NELL1: variants seen among roughly 807,000 people sequenced by gnomAD.
NELL1 encodes neural EGFL like 1.
Under a neutral mutation model 107.4 loss-of-function variants are expected in NELL1, and 76 were observed. The ratio of observed to expected loss-of-function variants is 0.71; its 90% CI spans 0.59 to 0.86. The LOEUF is 0.86. NELL1 is among the 40% of genes least tolerant of loss of function. The pLI, the probability that NELL1 is intolerant of heterozygous loss-of-function variation, is 0.00. For synonymous variants in NELL1, 353 were observed against 341.2 expected, an observed-to-expected ratio of 1.03 and a Z score of -0.38; for missense variants, 1,024 against 1,005.5, an observed-to-expected ratio of 1.02 and a Z score of -0.25.
At chr11:21,090,072 T>C (rs566099522) in intron 12 of NELL1, among the ~76,000 whole-genome samples, 3 of 152,294 alleles carry the variant, frequency 2.0e-5, no homozygotes, top group East Asian at 1.9e-4. Context: ...CTTCATCTCT[T>C]ATTGGAGATT....
intron 5 of NELL1, among the ~76,000 whole-genome samples, chr11:20,891,347 G>C (rs1181289682): frequency 6.6e-6 from 1 of 152,160 alleles, no homozygotes; most frequent in East Asian, 1.9e-4. Context: ...TGCCCTGCAA[G>C]AGCTGCTGAA....
At chr11:21,057,736 T>C (rs1853645502) in intron 12 of NELL1, among the ~76,000 whole-genome samples, 1 of 151,998 alleles carries the variant, frequency 6.6e-6, no homozygotes, top group Non-Finnish European at 1.5e-5. Flanking sequence ...ATACCAGTAC[T>C]TAAAAATGTA....
chr11:21,428,685 T>C (rs996245799), intron 15 of NELL1, among the ~76,000 whole-genome samples: 8 of 152,228 alleles, frequency 5.3e-5, no homozygotes, highest in Non-Finnish European at 1.0e-4. Context: ...CTTTCACAGG[T>C]GACTTGCTGC....
chr11:20,893,859 A>AAC (rs1346088358), intron 5 of NELL1, among the ~76,000 whole-genome samples: 1 of 151,002 alleles, frequency 6.6e-6, no homozygotes, highest in Non-Finnish European at 1.5e-5. Flanking sequence ...GGTAGTTAAA[A>AAC]AAAAAAAAAA....
chr11:20,910,837 G>T (rs1850114293), intron 5 of NELL1, among the ~76,000 whole-genome samples: 1 of 152,152 alleles, frequency 6.6e-6, no homozygotes, highest in African/African-American at 2.4e-5. Flanking sequence ...CTTCTTATTT[G>T]TAAAGTTCCA....
At chr11:21,018,781 T>C (rs1233351801) in intron 12 of NELL1, among the ~76,000 whole-genome samples, 1 of 152,106 alleles carries the variant, frequency 6.6e-6, no homozygotes, top group African/African-American at 2.4e-5. Context: ...GCGAGTGGGT[T>C]TACTGCAGGA....
chr11:21,351,072 A>G (rs1467958638), intron 14 of NELL1, among the ~76,000 whole-genome samples: 2 of 152,138 alleles, frequency 1.3e-5, no homozygotes, highest in African/African-American at 4.8e-5. Flanking sequence ...TGAGAGGGCA[A>G]TTCGACACAG....
chr11:20,943,167 A>C (rs1850892027), intron 10 of NELL1, among the ~76,000 whole-genome samples: 1 of 152,098 alleles, frequency 6.6e-6, no homozygotes, highest in African/African-American at 2.4e-5. Flanking sequence ...TATTCTGTGC[A>C]AAAAAGTTAT....
chr11:21,136,159 G>T (rs115240132), intron 13 of NELL1, among the ~76,000 whole-genome samples: 2 of 152,136 alleles, frequency 1.3e-5, no homozygotes, highest in Non-Finnish European at 2.9e-5. Flanking sequence ...CTGAATAAGG[G>T]GATAGTATGA....
intron 2 of NELL1, among the ~76,000 whole-genome samples, chr11:20,746,165 G>A (rs1419799594): frequency 6.6e-6 from 1 of 152,168 alleles, no homozygotes; most frequent in Non-Finnish European, 1.5e-5. Flanking sequence ...TGTGGTTGCA[G>A]ATACTCCCTA....
chr11:21,204,176 G>C (rs1379617836), intron 13 of NELL1, among the ~76,000 whole-genome samples: 1 of 152,252 alleles, frequency 6.6e-6, no homozygotes, highest in South Asian at 2.1e-4. Context: ...GGTTGGGGAA[G>C]TTCTCCTGGA....
chr11:21,479,921 G>A (rs181347864), intron 15 of NELL1, among the ~76,000 whole-genome samples: 122 of 151,740 alleles, frequency 8.0e-4, no homozygotes, highest in African/African-American at 2.8e-3. Context: ...TTTTTTCCTC[G>A]AGATAAACAG....
intron 2 of NELL1, among the ~76,000 whole-genome samples, chr11:20,742,682 A>G (rs1274935039): frequency 6.6e-6 from 1 of 152,148 alleles, no homozygotes; most frequent in Non-Finnish European, 1.5e-5. Context: ...CTTATTCACT[A>G]TCACAAGAAC....
chr11:20,744,989 G>C (rs1855971589), intron 2 of NELL1, among the ~76,000 whole-genome samples: 1 of 152,148 alleles, frequency 6.6e-6, no homozygotes, highest in Admixed American at 6.5e-5. Flanking sequence ...CATCTTTGAG[G>C]ACCTTTGCCT....
chr11:20,888,370 A>G (rs1214830859), intron 5 of NELL1, among the ~76,000 whole-genome samples: 2 of 151,494 alleles, frequency 1.3e-5, no homozygotes, highest in Non-Finnish European at 2.9e-5. Flanking sequence ...TGATGCCTCT[A>G]TGTTTTCTAA....
intron 13 of NELL1, among the ~76,000 whole-genome samples, chr11:21,215,265 G>GTC (rs1857588983): frequency 6.6e-6 from 1 of 152,084 alleles, no homozygotes; most frequent in Non-Finnish European, 1.5e-5. Flanking sequence ...GGACATGTTT[G>GTC]CTTCTTCTTC....
Position 21,451,399 on chromosome 11 carries a change from T to A in NELL1, c.1645+80451T>A, listed in dbSNP as rs190214976. Among the ~76,000 whole-genome samples the A allele has an allele frequency of 5.9e-3, 896 of 152,160 alleles. 3 individuals carry two copies. Among genetic ancestry groups the A allele is most frequent in the Non-Finnish European group, 8.1e-3 (554 of 67,998 alleles). On this transcript the variant is annotated intron_variant, in intron 15 of 19. Transcript: ENST00000357134. ...TTGGTTCAGCAATTCAGAAAACTAT[T>A]AAGTGTTAGATTTAGTCTCAGAACT...
chr11:21,439,598 T>C (rs1455787281), intron 15 of NELL1, among the ~76,000 whole-genome samples: 1 of 152,166 alleles, frequency 6.6e-6, no homozygotes, highest in African/African-American at 2.4e-5. Context: ...AATTCATGAC[T>C]TCAGAGCCTA....
intron 2 of NELL1, among the ~76,000 whole-genome samples, chr11:20,753,040 A>G (rs1214647102): frequency 6.6e-6 from 1 of 152,242 alleles, no homozygotes. Context: ...ACAGTACAGT[A>G]TAAAGCAAAC....
Sources: allele counts gnomAD v4.1 joint callset (sites outside exome capture counted in the v4.1 genomes callset), GRCh38; gene constraint gnomAD v4.1.1; transcripts MANE v1.5; gene names NCBI Gene and HGNC (gene_info 2026-07-23, HGNC 2026-07-21).